The following MINDY3 variants were observed in gnomAD, a reference collection of about 807,000 sequenced individuals.
The protein encoded by MINDY3 is MINDY lysine 48 deubiquitinase 3, also known as ubiquitin carboxyl-terminal hydrolase MINDY-3.
MINDY3 carries 38 observed loss-of-function variants against 69.2 expected under a neutral mutation model. The ratio of observed to expected loss-of-function variants is 0.55; its 90% CI spans 0.42 to 0.72. The LOEUF (loss-of-function observed/expected upper bound fraction) is 0.72. Ranked by LOEUF, MINDY3 falls within the 30% of genes least tolerant of loss-of-function variation. The pLI is 0.00. For synonymous variants in MINDY3, 192 were observed against 180.1 expected (o/e 1.07, Z -0.53); for missense variants, 522 against 519.0 (o/e 1.01, Z -0.06).
intron 9 of MINDY3, among the ~76,000 whole-genome samples, chr10:15,820,296 G>C (rs1021905946): frequency 2.6e-5 from 4 of 152,116 alleles, no homozygotes; most frequent in Admixed American, 1.3e-4. Context: ...GGGAAAGTGA[G>C]AGGACCAGTG....
At chr10:15,840,821 A>C (rs1219352894) in intron 4 of MINDY3, among the ~76,000 whole-genome samples, 1 of 151,672 alleles carries the variant, frequency 6.6e-6, no homozygotes, top group Admixed American at 6.6e-5. Context: ...AAAAGTTAAA[A>C]ACCACAGAAT....
At chr10:15,802,763 C>T (rs2131914230) in intron 10 of MINDY3, among the ~76,000 whole-genome samples, 1 of 152,096 alleles carries the variant, frequency 6.6e-6, no homozygotes, top group East Asian at 1.9e-4. Flanking sequence ...AACAAAACCA[C>T]CAACTGTAAC....
intron 8 of MINDY3, 93 bp downstream of exon 8, chr10:15,833,537 A>T: frequency 1.3e-6 from 1 of 795,512 alleles, no homozygotes. Context: ...CCTCTAGGTA[A>T]TGTAGAGCCA....
chr10:15,854,814 G>C (rs1834576983), intron 1 of MINDY3, among the ~76,000 whole-genome samples: 1 of 152,012 alleles, frequency 6.6e-6, no homozygotes, highest in Admixed American at 6.6e-5. Context: ...AACTGGAATA[G>C]AGAAGATACA....
At chr10:15,796,890 T>C (rs1193769007) in intron 10 of MINDY3, among the ~76,000 whole-genome samples, 7 of 152,072 alleles carry the variant, frequency 4.6e-5, no homozygotes, top group Non-Finnish European at 2.9e-5. Flanking sequence ...GAAATTCTAC[T>C]TGACACACAT....
intron 6 of MINDY3, among the ~76,000 whole-genome samples, chr10:15,836,089 G>A (rs998576137): frequency 2.0e-5 from 3 of 152,054 alleles, no homozygotes; most frequent in African/African-American, 7.2e-5. Flanking sequence ...CATATTCTAA[G>A]TCTTTTCTTA....
At chr10:15,853,390 A>G (rs1384237181) in intron 1 of MINDY3, among the ~76,000 whole-genome samples, 1 of 152,090 alleles carries the variant, frequency 6.6e-6, no homozygotes, top group Non-Finnish European at 1.5e-5. Context: ...CTGTGTTGAC[A>G]TTCACAGTGA....
chr10:15,786,663 A>G lies in MINDY3; in HGVS notation c.1029-15T>C. The G allele has an allele frequency of 1.4e-6, 2 of 1,460,002 alleles. No homozygotes were observed. Among genetic ancestry groups the G allele is most frequent in the South Asian group, 2.4e-5 (2 of 83,920 alleles). 90.4% of individuals were successfully genotyped at this position (1,460,002 alleles called of 1,614,324 possible). A position where few individuals can be genotyped will look rare whatever the true frequency, so the allele number is the denominator to read the frequency against. Reference sequence around the variant, plus strand: ...TGAGATTTATACTACGGGGAGAAAGAAGAAAAACAGTGGATACCAGAGGAA... The same window carrying G: ...TGAGATTTATACTACGGGGAGAAAGGAGAAAAACAGTGGATACCAGAGGAA... On this transcript the variant is annotated splice_polypyrimidine_tract_variant and intron_variant, in intron 12 of 14. Transcript: ENST00000277632.
intron 13 of MINDY3, among the ~76,000 whole-genome samples, chr10:15,784,156 T>C (rs1383772608): frequency 2.0e-5 from 3 of 152,168 alleles, no homozygotes; most frequent in African/African-American, 4.8e-5. Context: ...AATTTCCTCA[T>C]TGTCAAAATG....
chr10:15,832,655 T>A (rs1481540493), intron 8 of MINDY3, among the ~76,000 whole-genome samples: 1 of 152,188 alleles, frequency 6.6e-6, no homozygotes, highest in African/African-American at 2.4e-5. Context: ...TAATTTTGCA[T>A]ATGAATTAAA....
chr10:15,821,758 A>G, intron 8 of MINDY3, 32 bp from the exon 9 acceptor site: 8 of 1,573,912 alleles, frequency 5.1e-6, no homozygotes, highest in Non-Finnish European at 7.0e-6. Context: ...ACAAAAAACG[A>G]AAACTTAGCA....
intron 9 of MINDY3, among the ~76,000 whole-genome samples, chr10:15,821,041 TTCCATTTAAAACTATTTACAA>T (rs1839722920): frequency 6.6e-6 from 1 of 152,252 alleles, no homozygotes; most frequent in African/African-American, 2.4e-5. Context: ...ATGGTTTAAA[TTCCATTTAAAACTATTTACAA>T]TACCCATTTC....
intron 10 of MINDY3, among the ~76,000 whole-genome samples, chr10:15,796,717 T>C (rs996655757): frequency 1.3e-5 from 2 of 152,046 alleles, no homozygotes; most frequent in African/African-American, 4.8e-5. Flanking sequence ...TTAATTTTTC[T>C]GAACTCAAAG....
At chr10:15,857,209 T>C (rs928230333) in intron 1 of MINDY3, among the ~76,000 whole-genome samples, 1 of 152,092 alleles carries the variant, frequency 6.6e-6, no homozygotes, top group Non-Finnish European at 1.5e-5. Flanking sequence ...ACCAAGTGTA[T>C]TTTCTGTGAA....
Position 15,843,263 on chromosome 10 carries a change from A to G in MINDY3, c.184T>C (p.Leu62=). The change falls in exon 3 of 15, where the codon TTG becomes CTG. Residue 62 remains leucine (L), a synonymous_variant. Transcript: ENST00000277632. Reference sequence around the variant, plus strand: ...TCCGAAGAAAACAGGAGCTTCTTCAAAAGAAATGCCTTTACACAATTAAAG... The same window carrying G: ...TCCGAAGAAAACAGGAGCTTCTTCAGAAGAAATGCCTTTACACAATTAAAG... ...AVIAPVQAFL[L]KKLLFSSEKS... is the part of the protein sequence containing the mutation. The G allele has an allele frequency of 5.6e-6, 9 of 1,611,994 alleles. No individual in the cohort carries two copies. Among genetic ancestry groups the G allele is most frequent in the Non-Finnish European group, 7.6e-6 (9 of 1,178,172 alleles).
At chr10:15,816,198 T>C (rs1417490762) in intron 10 of MINDY3, among the ~76,000 whole-genome samples, 2 of 144,736 alleles carry the variant, frequency 1.4e-5, no homozygotes, top group African/African-American at 5.3e-5. Context: ...GAGACGTAGG[T>C]TGCAGTGAGG....
chr10:15,788,602 G>T (rs1837159811), intron 12 of MINDY3, among the ~76,000 whole-genome samples: 1 of 151,994 alleles, frequency 6.6e-6, no homozygotes, highest in African/African-American at 2.4e-5. Context: ...TCCCATATTT[G>T]ATCAATACAT....
At chr10:15,823,476 G>C (rs1839902174) in intron 8 of MINDY3, among the ~76,000 whole-genome samples, 1 of 152,018 alleles carries the variant, frequency 6.6e-6, no homozygotes, top group Admixed American at 6.6e-5. Flanking sequence ...GCATTAAAGG[G>C]ATTTGCAAAA....
intron 11 of MINDY3, among the ~76,000 whole-genome samples, chr10:15,792,549 C>G (rs1026654765): frequency 6.6e-6 from 1 of 151,924 alleles, no homozygotes; most frequent in Non-Finnish European, 1.5e-5. Flanking sequence ...TTAAAAGGAA[C>G]AGAAAAGACA....
Sources: gnomAD v4.1 joint callset for allele counts (sites outside exome capture counted in the v4.1 genomes callset) on GRCh38, gnomAD v4.1.1 for gene constraint, MANE v1.5 for transcripts, NCBI Gene and HGNC (gene_info 2026-07-23, HGNC 2026-07-21) for gene names.